The following PTPRN variants were observed in gnomAD, a reference collection of about 807,000 sequenced individuals.
PTPRN encodes protein tyrosine phosphatase receptor type N, also known as receptor-type tyrosine-protein phosphatase-like N.
Under a neutral mutation model 108.5 loss-of-function variants are expected in PTPRN, and 70 were observed. That is an observed-to-expected ratio of 0.65 (90% CI 0.53 to 0.79). The LOEUF is 0.79. Among genes scored for constraint, PTPRN ranks in the 30% least tolerant of loss-of-function variants. The pLI is 0.00. For synonymous variants in PTPRN, 496 were observed against 524.6 expected (o/e 0.95, Z 0.75); for missense variants, 1,136 against 1,295.5 (o/e 0.88, Z 1.89).
intron 10 of PTPRN, 110 bp from the exon 11 acceptor site, chr2:219,299,494 G>C: frequency 7.5e-7 from 1 of 1,331,602 alleles, no homozygotes; most frequent in Non-Finnish European, 1.1e-6. Flanking sequence ...GAGCAGATCG[G>C]GGATGCCCTA....
chr2:219,308,870 G>A (rs574924123), intron 1 of PTPRN: 2 of 1,333,412 alleles, frequency 1.5e-6, no homozygotes, highest in South Asian at 1.2e-5. Flanking sequence ...ATTCCTCAGC[G>A]CCTGTCACCA....
chr2:219,298,924 C>A (rs1439998140), intron 12 of PTPRN, 123 bp downstream of exon 12: 4 of 1,191,384 alleles, frequency 3.4e-6, no homozygotes, highest in East Asian at 4.7e-5. Flanking sequence ...GCGAAGGCCG[C>A]CTCCAGCCAG....
Sources: allele counts gnomAD v4.1 joint callset, GRCh38; gene constraint gnomAD v4.1.1; transcripts MANE v1.5; gene names NCBI Gene and HGNC (gene_info 2026-07-23, HGNC 2026-07-21).